LGSN: variants seen among roughly 807,000 people sequenced by gnomAD.
The protein encoded by LGSN is lengsin.
In LGSN, 21 loss-of-function variants were observed where a neutral mutation model predicts 19.5. The ratio of observed to expected loss-of-function variants is 1.07; its 90% CI spans 0.76 to 1.55. The LOEUF is 1.55. Among genes scored for constraint, LGSN ranks in the 40% most tolerant of loss-of-function variants. LGSN has a pLI of 0.00. For missense variants in LGSN, 673 were observed against 608.5 expected (o/e 1.11, Z -1.12); for synonymous variants, 257 against 215.6 (o/e 1.19, Z -1.68).
chr6:63,461,769 G>A, the LGSN span, among the ~76,000 whole-genome samples: 5 of 152,150 alleles, frequency 3.3e-5, no homozygotes, highest in Admixed American at 1.3e-4. Context: ...CTATTAATTT[G>A]TATTCCAAAT....
At chr6:63,476,839 G>A in the LGSN span, among the ~76,000 whole-genome samples, 11 of 152,180 alleles carry the variant, frequency 7.2e-5, no homozygotes, top group African/African-American at 2.4e-4. Context: ...AGATCCAATC[G>A]TCTAGGAAAG....
the LGSN span, among the ~76,000 whole-genome samples, chr6:63,525,014 C>G: frequency 6.6e-6 from 1 of 152,118 alleles, no homozygotes; most frequent in African/African-American, 2.4e-5. Flanking sequence ...GTCACCAAGC[C>G]TTGTTCTAAC....
chr6:63,332,370 G>A, the LGSN span, among the ~76,000 whole-genome samples: 2 of 152,260 alleles, frequency 1.3e-5, no homozygotes, highest in South Asian at 2.1e-4. Flanking sequence ...GGGGGCAAGG[G>A]TCAGGATAGA....
chr6:63,491,404 A>G, the LGSN span, among the ~76,000 whole-genome samples: 3 of 150,900 alleles, frequency 2.0e-5, no homozygotes, highest in African/African-American at 7.4e-5. Context: ...GGAAGACCCT[A>G]GGTCTTTTCC....
the LGSN span, among the ~76,000 whole-genome samples, chr6:63,367,522 A>T: frequency 6.6e-6 from 1 of 151,924 alleles, no homozygotes. Context: ...CCATTGTGGA[A>T]GACAGTGTGG....
At chr6:63,497,918 C>CTTTTTTTTTT in the LGSN span, among the ~76,000 whole-genome samples, 41,371 of 119,364 alleles carry the variant, frequency 0.35, 8,513 homozygotes, top group African/African-American at 0.47. Context: ...TGTCATGTTT[C>CTTTTTTTTTT]TTTTTTTTTT....
the LGSN span, among the ~76,000 whole-genome samples, chr6:63,340,354 T>A: frequency 4.6e-5 from 7 of 152,104 alleles, no homozygotes. Flanking sequence ...TTAAATAGAT[T>A]TTCTACATGT....
chr6:63,446,976 G>C, the LGSN span, among the ~76,000 whole-genome samples: 2 of 152,206 alleles, frequency 1.3e-5, no homozygotes, highest in Admixed American at 6.5e-5. Flanking sequence ...TTGAACCCAG[G>C]AGGCGGAGGT....
At chr6:63,479,854 A>G in the LGSN span, among the ~76,000 whole-genome samples, 15 of 152,180 alleles carry the variant, frequency 9.9e-5, no homozygotes, top group Admixed American at 9.2e-4. Flanking sequence ...TAAATCACCT[A>G]TTTCCTAATC....
At chr6:63,553,377 A>G in the LGSN span, among the ~76,000 whole-genome samples, 8 of 152,320 alleles carry the variant, frequency 5.3e-5, no homozygotes, top group African/African-American at 1.7e-4. Flanking sequence ...TTCACACACA[A>G]TTTTGGTCTC....
chr6:63,349,875 A>T, the LGSN span, among the ~76,000 whole-genome samples: 1 of 152,184 alleles, frequency 6.6e-6, no homozygotes, highest in Non-Finnish European at 1.5e-5. Context: ...TTCTACGGAG[A>T]CTGGGAACAA....
chr6:63,297,200 C>T (rs914980232), intron 1 of LGSN, among the ~76,000 whole-genome samples: 2 of 151,710 alleles, frequency 1.3e-5, no homozygotes, highest in Admixed American at 6.6e-5. Context: ...ATTAGCCAGG[C>T]GTGGTTGCAC....
the LGSN span, among the ~76,000 whole-genome samples, chr6:63,482,670 G>A: frequency 6.6e-6 from 1 of 152,058 alleles, no homozygotes; most frequent in African/African-American, 2.4e-5. Flanking sequence ...AGGTTGCAAT[G>A]AGCCGAAATC....
chr6:63,474,479 G>T, the LGSN span, among the ~76,000 whole-genome samples: 391 of 152,016 alleles, frequency 2.6e-3, 3 homozygotes, highest in African/African-American at 8.9e-3. Flanking sequence ...CATGGTGGCA[G>T]GTGCCTGTAG....
chr6:63,319,162 T>C (rs532736164), intron 1 of LGSN, among the ~76,000 whole-genome samples: 1 of 152,338 alleles, frequency 6.6e-6, no homozygotes, highest in Admixed American at 6.5e-5. Context: ...TCTTCTCCAC[T>C]ACATGCAAAA....
chr6:63,521,330 A>T, the LGSN span, among the ~76,000 whole-genome samples: 1 of 152,238 alleles, frequency 6.6e-6, no homozygotes, highest in Non-Finnish European at 1.5e-5. Context: ...ATTCTAGCAT[A>T]AAGTGAGTCA....
chr6:63,352,852 G>A, the LGSN span, among the ~76,000 whole-genome samples: 1 of 152,148 alleles, frequency 6.6e-6, no homozygotes, highest in East Asian at 1.9e-4. Flanking sequence ...CATGCAAACA[G>A]CTGGATTTTT....
the LGSN span, among the ~76,000 whole-genome samples, chr6:63,370,193 T>A: frequency 6.6e-6 from 1 of 152,190 alleles, no homozygotes; most frequent in Non-Finnish European, 1.5e-5. Context: ...AAGTAAGAAG[T>A]CACATTGCAA....
At chr6:63,555,028 CA>C in the LGSN span, among the ~76,000 whole-genome samples, 1 of 152,192 alleles carries the variant, frequency 6.6e-6, no homozygotes. Context: ...TATCAGAACA[CA>C]GCCAAGCAAA....
Sources: allele counts gnomAD v4.1 joint callset (sites outside exome capture counted in the v4.1 genomes callset), GRCh38; gene constraint gnomAD v4.1.1; transcripts MANE v1.5; gene names NCBI Gene and HGNC (gene_info 2026-07-23, HGNC 2026-07-21).